RBBP7: variants seen among roughly 807,000 people sequenced by gnomAD.
RBBP7 encodes the protein histone-binding protein RBBP7.
In RBBP7, 5 loss-of-function variants were observed where a neutral mutation model predicts 35.2. The observed-to-expected ratio is 0.14, with a 90% CI of 0.07 to 0.30. The LOEUF (loss-of-function observed/expected upper bound fraction) is 0.30, where lower values mean the gene tolerates loss of function less well. Among genes scored for constraint, RBBP7 ranks in the 10% least tolerant of loss-of-function variants. The pLI, the probability that RBBP7 is intolerant of heterozygous loss-of-function variation, is 1.00. For synonymous variants in RBBP7, 140 were observed against 118.7 expected, an observed-to-expected ratio of 1.18 and a Z score of -1.17; for missense variants, 155 against 327.5, an observed-to-expected ratio of 0.47 and a Z score of 4.07.
In RBBP7 at chrX:16,870,190, G is replaced by T; in HGVS notation, c.-137C>A. On this transcript the variant is annotated 5_prime_UTR_variant, in exon 1 of 12. Coordinates refer to ENST00000380087, the MANE Select transcript of RBBP7 (RefSeq NM_002893.4). ...TCGAAAGCCCGGGCCCCGTCTTGCT[G>T]CCTGGGTGCTCCCCAGACGCCGCGT... 1.2e-6 allele frequency: 1 copy of T among 801,279 alleles called. No homozygotes were observed. Among genetic ancestry groups the T allele is most frequent in the Non-Finnish European group, 1.5e-6 (1 of 651,461 alleles). The allele number at this position is 801,279 out of a possible 1,213,427, so 66.0% of individuals were successfully genotyped here.
intron 5 of RBBP7, among the ~76,000 whole-genome samples, chrX:16,856,284 C>A (rs1484579451): frequency 9.0e-6 from 1 of 111,257 alleles, no homozygotes; most frequent in Non-Finnish European, 1.9e-5. Context: ...AATCCCAGCA[C>A]TTTGGGAGGC....
intron 2 of RBBP7, among the ~76,000 whole-genome samples, chrX:16,867,697 T>C (rs1930659053): frequency 9.0e-6 from 1 of 111,489 alleles, no homozygotes; most frequent in Non-Finnish European, 1.9e-5. Context: ...TTTTAAGAGA[T>C]GGAGTCTCGC....
At chrX:16,852,239 A>T in intron 8 of RBBP7, 117 bp from the exon 9 acceptor site, 7 of 678,647 alleles carry the variant, frequency 1.0e-5, no homozygotes, top group Non-Finnish European at 1.6e-5. Flanking sequence ...CCTTGGCCTG[A>T]TGGCCTCACT....
chrX:16,870,303 A>C lies in RBBP7; in HGVS notation c.-250T>G. On this transcript the variant is annotated 5_prime_UTR_variant, in exon 1 of 12. Transcript: ENST00000380087. ...TCCAAACTTGGAACGAGACTTTTCA[A>C]CCCGCGCCTCCCAGCCCGCCCAGGC... 1 of 258,551 alleles carries C rather than the reference A, an allele frequency of 3.9e-6. No individual in the cohort carries two copies. The highest frequency in any genetic ancestry group is 5.8e-6 in the Non-Finnish European group (1 of 173,071). 21.3% of individuals were successfully genotyped at this position (258,551 alleles called of 1,213,427 possible). A position where few individuals can be genotyped will look rare whatever the true frequency, so the allele number is the denominator to read the frequency against.
intron 10 of RBBP7, chrX:16,847,053 TG>T (rs1930096401): frequency 9.0e-6 from 1 of 110,557 alleles, no homozygotes; most frequent in Admixed American, 9.6e-5. Context: ...AGCTTGAACC[TG>T]GGAGGTGGAG....
At chrX:16,853,589 TA>T (rs376093260) in intron 6 of RBBP7, 92 bp downstream of exon 6, 23,487 of 619,462 alleles carry the variant, frequency 0.038, 2 homozygotes, top group Non-Finnish European at 0.041. Context: ...AGCCATAACT[TA>T]AAAAAAAAAA....
At chrX:16,869,333 T>C (rs1429751159) in intron 1 of RBBP7, 113 bp from the exon 2 acceptor site, 1 of 1,064,568 alleles carries the variant, frequency 9.4e-7, no homozygotes, top group Non-Finnish European at 1.3e-6. Context: ...TTACCTCTAA[T>C]TTGGACACGG....
intron 5 of RBBP7, 92 bp from the exon 6 acceptor site, chrX:16,853,934 C>T: frequency 1.3e-6 from 1 of 793,386 alleles, no homozygotes; most frequent in South Asian, 5.2e-5. Flanking sequence ...AGTCTGTCAC[C>T]CAGGCTGGTG....
At chrX:16,853,882 T>A in intron 5 of RBBP7, 40 bp from the exon 6 acceptor site, 1 of 985,677 alleles carries the variant, frequency 1.0e-6, no homozygotes. Flanking sequence ...ACAAGGGCTA[T>A]AAGAGACTGA....
rs771414187 is a variant in RBBP7 at position 16,855,568 on chromosome X, T to C, written c.598-1726A>G. ...GGCAAGATTAGCATGATGCTTGGCA[T>C]GTGGGTAGCCCCTGGTAAATGTCAG... is the stretch of plus-strand genomic sequence containing the variant. On this transcript the variant is annotated intron_variant, in intron 5 of 11. Coordinates refer to ENST00000380087, the MANE Select transcript of RBBP7 (RefSeq NM_002893.4). Among the ~76,000 whole-genome samples, 11 of 111,633 alleles carry C rather than the reference T, an allele frequency of 9.9e-5. No homozygotes were observed. In the South Asian group the frequency reaches 2.6e-3, roughly 26 times the overall value.
chrX:16,869,875 G>C (rs1930735442), intron 1 of RBBP7, 163 bp downstream of exon 1: 1 of 812,605 alleles, frequency 1.2e-6, no homozygotes, highest in African/African-American at 2.3e-5. Flanking sequence ...CGGCGCGGCG[G>C]TCCCGTCCCG....
At chrX:16,850,456 C>T (rs2147514730) in intron 9 of RBBP7, among the ~76,000 whole-genome samples, 1 of 113,137 alleles carries the variant, frequency 8.8e-6, no homozygotes, top group African/African-American at 3.2e-5. Flanking sequence ...GGGCATCAGA[C>T]TTCCAAACCT....
At chrX:16,855,818 A>G (rs749171212) in intron 5 of RBBP7, among the ~76,000 whole-genome samples, 7 of 108,072 alleles carry the variant, frequency 6.5e-5, no homozygotes, top group Admixed American at 2.0e-4. Context: ...GCAATACGGC[A>G]AAACTCCATC....
At chrX:16,862,108 CAT>C (rs1471635737) in intron 3 of RBBP7, among the ~76,000 whole-genome samples, 2 of 111,419 alleles carry the variant, frequency 1.8e-5, no homozygotes, top group Admixed American at 9.6e-5. Flanking sequence ...ATATTTCACA[CAT>C]GTCCCTGCAG....
At chrX:16,869,261 T>A (rs370689303) in intron 1 of RBBP7, 41 bp from the exon 2 acceptor site, 3 of 1,178,138 alleles carry the variant, frequency 2.5e-6, no homozygotes, top group Non-Finnish European at 3.4e-6. Context: ...GTGGCTGAGA[T>A]AGATCAAAGT....
chrX:16,848,054 CA>C (rs1190799140), intron 10 of RBBP7: 1 of 111,959 alleles, frequency 8.9e-6, no homozygotes, highest in East Asian at 2.8e-4. Flanking sequence ...GAATCAGTCC[CA>C]AAAGACAAAA....
chrX:16,856,663 A>G (rs900583842), intron 5 of RBBP7, among the ~76,000 whole-genome samples: 1 of 111,973 alleles, frequency 8.9e-6, no homozygotes, highest in African/African-American at 3.2e-5. Flanking sequence ...AAAAAAGACA[A>G]GCATTAGTGA....
chrX:16,857,738 TTC>T (rs756665745), intron 4 of RBBP7, 29 bp from the exon 5 acceptor site: 10 of 1,185,799 alleles, frequency 8.4e-6, no homozygotes, highest in South Asian at 5.6e-5. Context: ...CATTAAGTTA[TTC>T]TCTGTTTATC....
intron 4 of RBBP7, among the ~76,000 whole-genome samples, chrX:16,858,373 C>A (rs1443433127): frequency 3.6e-5 from 4 of 111,566 alleles, no homozygotes; most frequent in South Asian, 3.7e-4. Flanking sequence ...AAAACATGTC[C>A]CACGTGGCCC....
Sources: gnomAD v4.1 joint callset for allele counts (sites outside exome capture counted in the v4.1 genomes callset) on GRCh38, gnomAD v4.1.1 for gene constraint, MANE v1.5 for transcripts, NCBI Gene and HGNC (gene_info 2026-07-23, HGNC 2026-07-21) for gene names.